Variants in LRRC7 observed in about 807,000 individuals in gnomAD.
The protein encoded by LRRC7 is leucine-rich repeat-containing protein 7.
Under a neutral mutation model 175.7 loss-of-function variants are expected in LRRC7, and 23 were observed. The observed-to-expected ratio is 0.13, with a 90% CI of 0.09 to 0.19. LRRC7 has a LOEUF of 0.19. Ranked by LOEUF, LRRC7 falls within the 10% of genes least tolerant of loss-of-function variation. The pLI, the probability that LRRC7 is intolerant of heterozygous loss-of-function variation, is 1.00. For missense variants in LRRC7, 1,354 were observed against 1,904.7 expected, an observed-to-expected ratio of 0.71 and a Z score of 5.38; for synonymous variants, 685 against 680.9, an observed-to-expected ratio of 1.01 and a Z score of -0.09.
intron 1 of LRRC7, among the ~76,000 whole-genome samples, chr1:69,623,522 C>T (rs1650974072): frequency 1.3e-5 from 2 of 150,202 alleles, no homozygotes; most frequent in South Asian, 4.2e-4. Context: ...ATTTTGCTTA[C>T]CTTAAGGCAA....
chr1:69,623,310 C>A (rs1023738062), intron 1 of LRRC7, among the ~76,000 whole-genome samples: 2 of 152,032 alleles, frequency 1.3e-5, no homozygotes, highest in Non-Finnish European at 2.9e-5. Flanking sequence ...CACAAGATAA[C>A]TTTTCTGTAG....
chr1:70,091,479 C>A (rs886128386), intron 25 of LRRC7, among the ~76,000 whole-genome samples: 1 of 152,040 alleles, frequency 6.6e-6, no homozygotes, highest in African/African-American at 2.4e-5. Flanking sequence ...TTCTTTCTCA[C>A]CAGCATATAA....
In LRRC7 at chr1:69,994,612, T is replaced by G. The variant is rs1225076316; in HGVS notation, c.983T>G (p.Met328Arg). ...AAAGTAGATGACAATCAACTTACAA[T>G]GCTACCCAATACAATTGGAAAGTAA... Reference protein sequence around the residue: ...TLKVDDNQLTMLPNTIGNLSL... With the variant: ...TLKVDDNQLTRLPNTIGNLSL... Residue 328 changes from methionine (M) to arginine (R), a missense_variant, in exon 11 of 27, where the codon ATG (methionine) becomes AGG (arginine). Around this residue, in one of 4 missense-constraint regions of LRRC7, gnomAD observed 201 missense variants for 481.4 expected, o/e 0.42. Coordinates refer to ENST00000651989, the MANE Select transcript of LRRC7 (RefSeq NM_001370785.2). 1 of 1,611,434 alleles carries G rather than the reference T, an allele frequency of 6.2e-7. No homozygotes were observed. Among genetic ancestry groups the G allele is most frequent in the Non-Finnish European group, 8.5e-7 (1 of 1,178,476 alleles).
chr1:69,717,066 CATAT>C (rs1557639504), intron 2 of LRRC7, among the ~76,000 whole-genome samples: 26 of 132,316 alleles, frequency 2.0e-4, no homozygotes, highest in Non-Finnish European at 4.0e-4. Context: ...TACATATATA[CATAT>C]ATACATACTT....
intron 11 of LRRC7, among the ~76,000 whole-genome samples, chr1:70,008,374 C>G (rs1656183801): frequency 6.6e-6 from 1 of 152,204 alleles, no homozygotes; most frequent in Non-Finnish European, 1.5e-5. Flanking sequence ...TTGTATCCCT[C>G]AATCCAATCA....
rs112404404 is a variant in LRRC7, at chr1:69,781,688, G to GAAAGA, written c.304-10353_304-10352insAGAAA. On this transcript the variant is annotated intron_variant, in intron 3 of 26. Coordinates refer to ENST00000651989, the MANE Select transcript of LRRC7 (RefSeq NM_001370785.2). ...CAGAGCAAGACTGTCTCAAAAAAAA[G>GAAAGA]AAGAAAGAAAGAAAGAAAGAAAGAA... 1.5e-3 allele frequency among the ~76,000 whole-genome samples: 66 copies of GAAAGA among 43,932 alleles called. 13 individuals are homozygous for GAAAGA. The highest frequency in any genetic ancestry group is 2.2e-3 in the Non-Finnish European group (55 of 25,118). 28.8% of individuals were successfully genotyped at this position (43,932 alleles called of 152,430 possible). A position where few individuals can be genotyped will look rare whatever the true frequency, so the allele number is the denominator to read the frequency against.
chr1:69,783,209 A>G (rs544815019), intron 3 of LRRC7, among the ~76,000 whole-genome samples: 1 of 152,036 alleles, frequency 6.6e-6, no homozygotes, highest in Non-Finnish European at 1.5e-5. Flanking sequence ...TCAGAAAACA[A>G]CCCCTCTCTG....
intron 7 of LRRC7, among the ~76,000 whole-genome samples, chr1:69,857,330 G>C (rs1683775543): frequency 6.6e-6 from 1 of 152,158 alleles, no homozygotes; most frequent in South Asian, 2.1e-4. Context: ...AATTATCCCT[G>C]TTTGCAGATG....
intron 1 of LRRC7, among the ~76,000 whole-genome samples, chr1:69,612,172 CTG>C: frequency 6.6e-6 from 1 of 152,042 alleles, no homozygotes; most frequent in Non-Finnish European, 1.5e-5. Context: ...TTTAAGCAAA[CTG>C]AAATTAAAAT....
intron 4 of LRRC7, among the ~76,000 whole-genome samples, chr1:69,814,145 T>C (rs1025724987): frequency 6.6e-6 from 1 of 152,074 alleles, no homozygotes; most frequent in South Asian, 2.1e-4. Context: ...TAATGACATA[T>C]CTAACAATTT....
chr1:69,737,260 A>G (rs947852622), intron 2 of LRRC7, among the ~76,000 whole-genome samples: 1 of 151,970 alleles, frequency 6.6e-6, no homozygotes, highest in Non-Finnish European at 1.5e-5. Context: ...GAATCATGCC[A>G]ATGGGTTTTT....
In LRRC7 at chr1:70,143,016, T is replaced by C. The variant is rs1200588897; in HGVS notation, c.*21129T>C. On this transcript the variant is annotated 3_prime_UTR_variant, in exon 27 of 27. Coordinates refer to ENST00000651989, the MANE Select transcript of LRRC7 (RefSeq NM_001370785.2). ...TTACTACTCTATAAAGAAGTTCTAC[T>C]TCTACCTATATGAATTTGTATTTTC... 5 of 152,266 alleles carry C rather than the reference T, an allele frequency of 3.3e-5. No individual in the cohort carries two copies. The highest frequency in any genetic ancestry group is 1.2e-4 in the African/African-American group (5 of 41,570). The allele number at this position is 152,266 out of a possible 1,614,324, so 9.4% of individuals were successfully genotyped here. A position where few individuals can be genotyped will look rare whatever the true frequency, so the allele number is the denominator to read the frequency against.
intron 8 of LRRC7, among the ~76,000 whole-genome samples, chr1:69,971,232 A>C (rs915310352): frequency 4.6e-5 from 7 of 152,084 alleles, no homozygotes. Context: ...AAGGATGCCC[A>C]CTCTCACCAT....
chr1:69,996,391 G>A (rs1422393977), intron 11 of LRRC7, among the ~76,000 whole-genome samples: 1 of 152,110 alleles, frequency 6.6e-6, no homozygotes, highest in African/African-American at 2.4e-5. Flanking sequence ...TTGCTGTGCA[G>A]AAGCTCTTTA....
chr1:70,025,713 A>G (rs1658018563), intron 17 of LRRC7, among the ~76,000 whole-genome samples: 1 of 151,998 alleles, frequency 6.6e-6, no homozygotes, highest in Non-Finnish European at 1.5e-5. Flanking sequence ...TTAAATTTAA[A>G]TCTTCTGACT....
rs1282162212 is a variant in LRRC7, at chr1:70,132,767, G to T, written c.*10880G>T. On this transcript the variant is annotated 3_prime_UTR_variant, in exon 27 of 27. Coordinates refer to ENST00000651989, the MANE Select transcript of LRRC7 (RefSeq NM_001370785.2). ...ATTACAGGCGTGAGACACCGCGCCCGGCCGTACTTTTCTTAAATAAAGACT... is the reference window on the plus strand; with the variant it reads ...ATTACAGGCGTGAGACACCGCGCCCTGCCGTACTTTTCTTAAATAAAGACT... 6.6e-6 allele frequency among the ~76,000 whole-genome samples: 1 copy of T among 152,036 alleles called. No homozygotes were observed. Among genetic ancestry groups the T allele is most frequent in the Admixed American group, 6.6e-5 (1 of 15,258 alleles).
chr1:70,113,061 A>T (rs961051762), intron 26 of LRRC7, among the ~76,000 whole-genome samples: 5 of 152,206 alleles, frequency 3.3e-5, no homozygotes, highest in African/African-American at 1.2e-4. Context: ...GACAGCGAGC[A>T]AGATATGGCA....
At chr1:70,048,641 A>G (rs1170091598) in intron 22 of LRRC7, among the ~76,000 whole-genome samples, 2 of 152,140 alleles carry the variant, frequency 1.3e-5, no homozygotes, top group Non-Finnish European at 2.9e-5. Flanking sequence ...GATGGAGAAA[A>G]GAATACACAA....
chr1:69,781,280 A>G (rs1170571444), intron 3 of LRRC7, among the ~76,000 whole-genome samples: 6 of 151,882 alleles, frequency 4.0e-5, no homozygotes, highest in Non-Finnish European at 5.9e-5. Flanking sequence ...TCCTTGTCTT[A>G]TCCACTCTCC....
Sources: gnomAD v4.1 joint callset for allele counts (sites outside exome capture counted in the v4.1 genomes callset) on GRCh38, gnomAD v4.1.1 for gene constraint, gnomAD v4.1.1 regional missense constraint, MANE v1.5 for transcripts, NCBI Gene and HGNC (gene_info 2026-07-23, HGNC 2026-07-21) for gene names.